Variants in YWHAE observed in about 807,000 individuals in gnomAD.
The protein encoded by YWHAE is 14-3-3 protein epsilon.
A neutral mutation model predicts 30.1 loss-of-function variants in YWHAE; 4 were observed. The observed-to-expected ratio is 0.13, with a 90% CI of 0.07 to 0.30. The LOEUF (loss-of-function observed/expected upper bound fraction) is 0.30. YWHAE is among the 10% of genes least tolerant of loss of function. The pLI is 1.00. For synonymous variants in YWHAE, 118 were observed against 111.8 expected, an observed-to-expected ratio of 1.06 and a Z score of -0.35; for missense variants, 121 against 315.9, an observed-to-expected ratio of 0.38 and a Z score of 4.68.
chr17:1,380,111 CTTTTT>C (rs34413137), intron 1 of YWHAE, among the ~76,000 whole-genome samples: 7 of 121,874 alleles, frequency 5.7e-5, no homozygotes, highest in Admixed American at 8.7e-5. Context: ...GAAGACTAGA[CTTTTT>C]TTTTTTTTTT....
chr17:1,350,684 C>T (rs372420432), intron 5 of YWHAE, among the ~76,000 whole-genome samples: 1 of 151,912 alleles, frequency 6.6e-6, no homozygotes, highest in Non-Finnish European at 1.5e-5. Flanking sequence ...TCAGGTGATC[C>T]GTCCACTTCG....
chr17:1,389,222 T>G (rs1377087916), intron 1 of YWHAE, among the ~76,000 whole-genome samples: 1 of 152,154 alleles, frequency 6.6e-6, no homozygotes, highest in Non-Finnish European at 1.5e-5. Context: ...CGCCTCTGCC[T>G]TCCAAAGTAT....
intron 1 of YWHAE, among the ~76,000 whole-genome samples, chr17:1,370,119 CTTTTTTTTTTTTTTTTT>C (rs538497835): frequency 2.6e-5 from 2 of 76,346 alleles, no homozygotes; most frequent in East Asian, 1.0e-3. Context: ...CACAGAAAAA[CTTTTTTTTTTTTTTTTT>C]TTTTTTTTTG....
At chr17:1,352,588 A>C (rs568543744) in intron 5 of YWHAE, among the ~76,000 whole-genome samples, 5 of 150,272 alleles carry the variant, frequency 3.3e-5, no homozygotes, top group South Asian at 4.2e-4. Flanking sequence ...GCAATGGCGT[A>C]TCTCTCAGCT....
intron 1 of YWHAE, among the ~76,000 whole-genome samples, chr17:1,369,139 G>A (rs1282124222): frequency 6.6e-6 from 1 of 152,120 alleles, no homozygotes; most frequent in Non-Finnish European, 1.5e-5. Context: ...AATTATAGAA[G>A]CAACAATTAT....
intron 4 of YWHAE, among the ~76,000 whole-genome samples, chr17:1,360,580 G>A (rs1316535202): frequency 6.6e-6 from 1 of 151,910 alleles, no homozygotes; most frequent in Non-Finnish European, 1.5e-5. Flanking sequence ...TAGCCAAAAT[G>A]GTGAAAACAC....
chr17:1,397,736 A>G (rs2073496129), intron 1 of YWHAE, among the ~76,000 whole-genome samples: 1 of 152,102 alleles, frequency 6.6e-6, no homozygotes, highest in Non-Finnish European at 1.5e-5. Context: ...ACCGCACTCA[A>G]TAAAGGAATG....
chr17:1,370,159 G>A (rs997648526), intron 1 of YWHAE, among the ~76,000 whole-genome samples: 3 of 117,340 alleles, frequency 2.6e-5, no homozygotes, highest in African/African-American at 1.0e-4. Flanking sequence ...ACGGAGTCTC[G>A]CTCTGTCACC....
intron 1 of YWHAE, among the ~76,000 whole-genome samples, chr17:1,384,459 A>G (rs1403158720): frequency 2.0e-5 from 3 of 151,778 alleles, no homozygotes; most frequent in Non-Finnish European, 4.4e-5. Flanking sequence ...TGGGAGGCCA[A>G]GGCGGGCAGA....
At chr17:1,380,840 C>T (rs1297150412) in intron 1 of YWHAE, among the ~76,000 whole-genome samples, 1 of 152,174 alleles carries the variant, frequency 6.6e-6, no homozygotes, top group Non-Finnish European at 1.5e-5. Context: ...CTCCCAACAT[C>T]CAAATCTTAT....
intron 1 of YWHAE, among the ~76,000 whole-genome samples, chr17:1,374,235 T>G (rs547138430): frequency 6.6e-6 from 1 of 151,558 alleles, no homozygotes; most frequent in Non-Finnish European, 1.5e-5. Context: ...GGACAACTGC[T>G]TGAACACGGG....
At chr17:1,364,319 C>T (rs1225069613) in intron 2 of YWHAE, among the ~76,000 whole-genome samples, 1 of 151,818 alleles carries the variant, frequency 6.6e-6, no homozygotes, top group African/African-American at 2.4e-5. Flanking sequence ...CTCCGCCTCC[C>T]GGATTCACAC....
chr17:1,365,932 C>T (rs34910721), intron 1 of YWHAE, among the ~76,000 whole-genome samples: 37,102 of 151,796 alleles, frequency 0.24, 5,337 homozygotes, highest in African/African-American at 0.39. Flanking sequence ...AAAATAAAAA[C>T]AGAGGCTGGG....
chr17:1,383,817 T>C (rs1287687350), intron 1 of YWHAE, among the ~76,000 whole-genome samples: 3 of 152,122 alleles, frequency 2.0e-5, no homozygotes, highest in South Asian at 4.1e-4. Context: ...TCTCCGCACT[T>C]TGGGAGGCTG....
chr17:1,389,066 A>G (rs1316477487), intron 1 of YWHAE, among the ~76,000 whole-genome samples: 2 of 151,884 alleles, frequency 1.3e-5, no homozygotes, highest in Non-Finnish European at 2.9e-5. Context: ...CCCGGGCTCA[A>G]GAAATCTTAC....
At chr17:1,383,921 G>A (rs1377313299) in intron 1 of YWHAE, among the ~76,000 whole-genome samples, 1 of 152,044 alleles carries the variant, frequency 6.6e-6, no homozygotes, top group East Asian at 2.0e-4. Flanking sequence ...ATTAGCCGAA[G>A]AGGGCTGGGC....
chr17:1,394,623 T>A lies in YWHAE; in HGVS notation c.64+5424A>T, dbSNP rs138348454. Among the ~76,000 whole-genome samples, 694 of 151,828 alleles carry A rather than the reference T, an allele frequency of 4.6e-3. 5 individuals carry two copies. Among genetic ancestry groups the A allele is most frequent in the African/African-American group, 0.016 (643 of 41,344 alleles). ...CCTGTTTCAAAAAAAAATTTTTTTT[T>A]AATTTAGCCTTCCCATAAATACATA... On this transcript the variant is annotated intron_variant, in intron 1 of 5. Transcript: ENST00000264335.
intron 4 of YWHAE, among the ~76,000 whole-genome samples, chr17:1,357,105 T>C (rs2072760479): frequency 7.0e-6 from 1 of 142,142 alleles, no homozygotes; most frequent in Non-Finnish European, 1.5e-5. Flanking sequence ...CCATCTCTAT[T>C]AAAAATACAA....
Position 1,362,023 on chromosome 17 carries a change from ATTTTTTT to A in YWHAE, c.265-22_265-16del. The A allele has an allele frequency of 7.3e-7, 1 of 1,378,684 alleles. No individual in the cohort carries two copies. Among genetic ancestry groups the A allele is most frequent in the African/African-American group, 1.5e-5 (1 of 68,390 alleles). The allele number at this position is 1,378,684 out of a possible 1,614,324, so 85.4% of individuals were successfully genotyped here. A position where few individuals can be genotyped will look rare whatever the true frequency, so the allele number is the denominator to read the frequency against. On this transcript the variant is annotated splice_polypyrimidine_tract_variant and intron_variant, in intron 2 of 5. Coordinates refer to ENST00000264335, the MANE Select transcript of YWHAE (RefSeq NM_006761.5). ...TCAGTCTCAACCTAAAAAAAAAAAA[ATTTTTTT>A]TAAATCAGATTAAGTCTAGAAATTC...
Sources: allele counts gnomAD v4.1 joint callset (sites outside exome capture counted in the v4.1 genomes callset), GRCh38; gene constraint gnomAD v4.1.1; transcripts MANE v1.5; gene names NCBI Gene and HGNC (gene_info 2026-07-23, HGNC 2026-07-21).